The following MALRD1 variants were observed in gnomAD, a reference collection of about 807,000 sequenced individuals.
MALRD1 encodes MAM and LDL-receptor class A domain-containing protein 1.
MALRD1 carries 247 observed loss-of-function variants against 242.1 expected under a neutral mutation model. The observed-to-expected ratio is 1.02, with a 90% CI of 0.92 to 1.13. The LOEUF (loss-of-function observed/expected upper bound fraction) is 1.13. MALRD1 is among the 50% of genes most tolerant of loss of function. The pLI, the probability that MALRD1 is intolerant of heterozygous loss-of-function variation, is 0.00. For missense variants in MALRD1, 2,989 were observed against 2,533.1 expected (o/e 1.18, Z -3.86); for synonymous variants, 995 against 866.6 (o/e 1.15, Z -2.60).
At chr10:19,713,963 T>C (rs1834261051) in intron 38 of MALRD1, among the ~76,000 whole-genome samples, 1 of 152,074 alleles carries the variant, frequency 6.6e-6, no homozygotes, top group South Asian at 2.1e-4. Context: ...TGCCCAAACC[T>C]CTAGGGGGAG....
At position 19,119,546 on chromosome 10, in the gene MALRD1, G is replaced by A. The variant is rs113458407; in HGVS notation, c.695-3946G>A. Among the ~76,000 whole-genome samples, 294 of 152,190 alleles carry A rather than the reference G, an allele frequency of 1.9e-3. 1 individual carries two copies. The highest frequency in any genetic ancestry group is 4.1e-3 in the Admixed American group (63 of 15,282). On this transcript the variant is annotated intron_variant, in intron 5 of 39. Transcript: ENST00000454679. The stretch of plus-strand genomic sequence containing the variant: ...CGGAGCTGTCTTCTTGTGCTCAGTC[G>A]GTTCCTGGGTTGAGGCCACAAGATC...
intron 32 of MALRD1, among the ~76,000 whole-genome samples, chr10:19,536,717 A>C (rs7072649): frequency 0.78 from 118,677 of 152,026 alleles, 47,068 homozygotes; most frequent in Non-Finnish European, 0.85. Flanking sequence ...GTCAGCTTCA[A>C]TTTGTCCTGA....
intron 2 of MALRD1, among the ~76,000 whole-genome samples, chr10:19,076,652 A>T (rs1206360147): frequency 6.6e-6 from 1 of 152,014 alleles, no homozygotes; most frequent in Non-Finnish European, 1.5e-5. Context: ...GCCTGTGCTT[A>T]TGACAGTACC....
At chr10:19,066,967 C>A in intron 2 of MALRD1, 108 bp downstream of exon 2, 1 of 784,944 alleles carries the variant, frequency 1.3e-6, no homozygotes, top group Non-Finnish European at 1.7e-6. Flanking sequence ...TTCCCCACCA[C>A]ATGTTTAATT....
intron 38 of MALRD1, among the ~76,000 whole-genome samples, chr10:19,729,711 T>C (rs1338962980): frequency 1.4e-5 from 2 of 142,136 alleles, no homozygotes; most frequent in East Asian, 4.2e-4. Context: ...TTCTAATAAG[T>C]CTATTAATTC....
intron 26 of MALRD1, among the ~76,000 whole-genome samples, chr10:19,385,411 A>G (rs758359383): frequency 7.2e-5 from 11 of 152,036 alleles, no homozygotes; most frequent in South Asian, 2.1e-4. Context: ...TACCACTTCA[A>G]TCTCATTACT....
intron 24 of MALRD1, among the ~76,000 whole-genome samples, chr10:19,335,515 A>G (rs559827128): frequency 4.2e-4 from 64 of 152,224 alleles, no homozygotes; most frequent in African/African-American, 1.5e-3. Context: ...TATGCTATGA[A>G]CTTTGATGCC....
At position 19,133,870 on chromosome 10, in the gene MALRD1, T is replaced by C; in HGVS notation, c.1125T>C (p.Phe375=). 2 of 1,228,962 alleles carry C rather than the reference T, an allele frequency of 1.6e-6. No homozygotes were observed. Among genetic ancestry groups the C allele is most frequent in the Non-Finnish European group, 2.0e-6 (2 of 985,564 alleles). 76.1% of individuals were successfully genotyped at this position (1,228,962 alleles called of 1,614,324 possible). The change falls in exon 9 of 40, where the codon TTT becomes TTC. Residue 375 remains phenylalanine, a synonymous_variant. Transcript: ENST00000454679. The stretch of plus-strand genomic sequence containing the variant: ...TCAAATCAAAGGAAGAAGAAATATT[T>C]TGGACATACAACATATCAACTCACA... ...RLYNNKEEEI[F]WTYNISTHSQ...
Position 19,327,654 on chromosome 10 carries a change from G to A in MALRD1, c.3668G>A (p.Gly1223Asp). 1.3e-6 allele frequency: 2 copies of A among 1,549,506 alleles called. No individual in the cohort carries two copies. Among genetic ancestry groups the A allele is most frequent in the Non-Finnish European group, 8.7e-7 (1 of 1,146,184 alleles). ...AQWKRAEVFL[G>D]IRSHTQIVFR... ...TGGAAGAGAGCAGAAGTGTTTTTAG[G>A]CATTCGTTCACATACACAGGTGTGT... Residue 1223 changes from glycine (G) to aspartate (D), a missense_variant, in exon 23 of 40, where the codon GGC (glycine) becomes GAC (aspartate). Coordinates refer to ENST00000454679, the MANE Select transcript of MALRD1 (RefSeq NM_001142308.3).
intron 1 of MALRD1, among the ~76,000 whole-genome samples, chr10:19,050,885 G>C (rs1445506438): frequency 6.6e-6 from 1 of 152,264 alleles, no homozygotes; most frequent in South Asian, 2.1e-4. Context: ...TCAGAGAAAA[G>C]GTTAACGTGA....
chr10:19,641,989 A>G (rs1003757294), intron 36 of MALRD1, among the ~76,000 whole-genome samples: 3 of 152,198 alleles, frequency 2.0e-5, no homozygotes, highest in South Asian at 4.1e-4. Flanking sequence ...AGATTAATGC[A>G]TAATCTGCCT....
rs186188025 is a variant in MALRD1 at position 19,646,637 on chromosome 10, G to A, written c.6137+30714G>A. Among the ~76,000 whole-genome samples the A allele has an allele frequency of 8.5e-4, 129 of 152,076 alleles. 1 individual carries two copies. Among genetic ancestry groups the A allele is most frequent in the Admixed American group, 2.4e-3 (37 of 15,272 alleles). ...AAAAAAAATAATAAGTTTAAAGTAG[G>A]TATTGAAGTTTCTTCTGTTAGGCTC... On this transcript the variant is annotated intron_variant, in intron 36 of 39. Coordinates refer to ENST00000454679, the MANE Select transcript of MALRD1 (RefSeq NM_001142308.3).
intron 26 of MALRD1, among the ~76,000 whole-genome samples, chr10:19,375,635 T>A (rs2130765356): frequency 6.6e-6 from 1 of 152,324 alleles, no homozygotes; most frequent in East Asian, 1.9e-4. Context: ...GATACATAAC[T>A]GGTTGAGAAC....
chr10:19,386,689 G>T (rs953843525), intron 26 of MALRD1, among the ~76,000 whole-genome samples: 1 of 144,884 alleles, frequency 6.9e-6, no homozygotes, highest in Non-Finnish European at 1.5e-5. Flanking sequence ...TGGTGAGATA[G>T]ATATATATAC....
chr10:19,668,708 A>G (rs1841788270), intron 36 of MALRD1, among the ~76,000 whole-genome samples: 1 of 152,184 alleles, frequency 6.6e-6, no homozygotes, highest in South Asian at 2.1e-4. Context: ...GGAAATTATA[A>G]TACAACACTC....
At chr10:19,355,967 G>T (rs971024545) in intron 26 of MALRD1, among the ~76,000 whole-genome samples, 1 of 149,096 alleles carries the variant, frequency 6.7e-6, no homozygotes, top group African/African-American at 2.5e-5. Flanking sequence ...TTGGAATGCA[G>T]ACAATATAAG....
chr10:19,162,089 T>C (rs1395035493), intron 12 of MALRD1, among the ~76,000 whole-genome samples: 1 of 151,904 alleles, frequency 6.6e-6, no homozygotes, highest in African/African-American at 2.4e-5. Flanking sequence ...ACTGAGGAAA[T>C]GAATTTTTCA....
At chr10:19,475,757 T>C (rs891906332) in intron 29 of MALRD1, among the ~76,000 whole-genome samples, 3 of 152,216 alleles carry the variant, frequency 2.0e-5, no homozygotes, top group Non-Finnish European at 4.4e-5. Flanking sequence ...GAACATTATG[T>C]AACTGTGTTC....
At chr10:19,567,294 C>T (rs534493219) in intron 32 of MALRD1, among the ~76,000 whole-genome samples, 1 of 152,044 alleles carries the variant, frequency 6.6e-6, no homozygotes, top group South Asian at 2.1e-4. Flanking sequence ...AAGTTGATGA[C>T]AGAAGCAAAT....
Sources: allele counts gnomAD v4.1 joint callset (sites outside exome capture counted in the v4.1 genomes callset), GRCh38; gene constraint gnomAD v4.1.1; transcripts MANE v1.5; gene names NCBI Gene and HGNC (gene_info 2026-07-23, HGNC 2026-07-21).